ERBB4: variants seen among roughly 807,000 people sequenced by gnomAD.
ERBB4 encodes the protein receptor tyrosine-protein kinase erbB-4.
A neutral mutation model predicts 158.0 loss-of-function variants in ERBB4; 42 were observed. That is an observed-to-expected ratio of 0.27 (90% confidence interval 0.21 to 0.34). ERBB4 has a LOEUF of 0.34. Ranked by LOEUF, ERBB4 falls within the 10% of genes least tolerant of loss-of-function variation. The pLI is 1.00. For synonymous variants in ERBB4, 583 were observed against 558.7 expected (o/e 1.04, Z -0.61); for missense variants, 1,333 against 1,624.1 (o/e 0.82, Z 3.08).
intron 1 of ERBB4, among the ~76,000 whole-genome samples, chr2:212,455,644 T>A (rs931496249): frequency 6.6e-6 from 1 of 152,172 alleles, no homozygotes; most frequent in Non-Finnish European, 1.5e-5. Flanking sequence ...TGAATAAAAC[T>A]TACTCTTACT....
intron 3 of ERBB4, among the ~76,000 whole-genome samples, chr2:211,843,720 G>A (rs1288379228): frequency 7.0e-6 from 1 of 143,670 alleles, no homozygotes; most frequent in Non-Finnish European, 1.5e-5. Context: ...ATTTTAATGA[G>A]CTTTCATTGT....
At chr2:212,246,171 C>T (rs1487843000) in intron 1 of ERBB4, among the ~76,000 whole-genome samples, 7 of 152,144 alleles carry the variant, frequency 4.6e-5, no homozygotes, top group Non-Finnish European at 7.4e-5. Flanking sequence ...TGACAGTTCA[C>T]GTGTATCTCC....
At chr2:212,007,414 C>A (rs6734102) in intron 2 of ERBB4, among the ~76,000 whole-genome samples, 101,955 of 151,440 alleles carry the variant, frequency 0.67, 35,087 homozygotes, top group East Asian at 0.93. Context: ...ATATAATGCC[C>A]GTTATTATGG....
In ERBB4 at chr2:212,222,719, CT is replaced by C. The variant is rs1388697448; in HGVS notation, c.83-97817del. Among the ~76,000 whole-genome samples the C allele has an allele frequency of 2.0e-5, 3 of 151,354 alleles. No individual in the cohort carries two copies. The East Asian group carries it at 5.8e-4, about 29-fold the overall frequency. ...GCCTTGAACTAATTTGAATTTTCCT[CT>C]TTAATAAAACTGCAGTTTACCTTCA... On this transcript the variant is annotated intron_variant, in intron 1 of 27. Transcript: ENST00000342788.
At chr2:212,240,604 C>G (rs1033181328) in intron 1 of ERBB4, among the ~76,000 whole-genome samples, 1 of 121,752 alleles carries the variant, frequency 8.2e-6, no homozygotes, top group Non-Finnish European at 1.6e-5. Context: ...TGCCATTGCA[C>G]TCCAGTCTGG....
intron 3 of ERBB4, among the ~76,000 whole-genome samples, chr2:211,788,653 A>C (rs1486870068): frequency 1.3e-5 from 2 of 152,122 alleles, no homozygotes; most frequent in Non-Finnish European, 2.9e-5. Flanking sequence ...CTTTACAACA[A>C]ATTTCCACAC....
chr2:211,644,724 A>T (rs900700598), intron 16 of ERBB4, among the ~76,000 whole-genome samples: 4 of 152,004 alleles, frequency 2.6e-5, no homozygotes. Context: ...CCAGCAGAAG[A>T]TCTTTTAAAA....
chr2:212,430,122 C>T (rs1311378119), intron 1 of ERBB4, among the ~76,000 whole-genome samples: 2 of 152,120 alleles, frequency 1.3e-5, no homozygotes, highest in African/African-American at 4.8e-5. Context: ...ATGAAAGGAA[C>T]TAGATTCAGG....
intron 1 of ERBB4, among the ~76,000 whole-genome samples, chr2:212,237,501 T>G (rs1217712672): frequency 2.0e-5 from 3 of 152,130 alleles, no homozygotes; most frequent in Admixed American, 6.5e-5. Context: ...CACTCCTGTA[T>G]GAGGTGTCTG....
At chr2:211,539,729 T>C (rs1242678314) in intron 20 of ERBB4, among the ~76,000 whole-genome samples, 1 of 151,994 alleles carries the variant, frequency 6.6e-6, no homozygotes, top group African/African-American at 2.4e-5. Flanking sequence ...TCCTTTAACC[T>C]TTCCAGTGTG....
At chr2:212,443,993 C>G (rs968085805) in intron 1 of ERBB4, among the ~76,000 whole-genome samples, 2 of 152,122 alleles carry the variant, frequency 1.3e-5, no homozygotes, top group African/African-American at 4.8e-5. Context: ...AATCAGCATT[C>G]CATCACCAAA....
At chr2:212,250,887 ATAC>A (rs1379836610) in intron 1 of ERBB4, among the ~76,000 whole-genome samples, 6 of 151,996 alleles carry the variant, frequency 3.9e-5, no homozygotes, top group Admixed American at 2.6e-4. Context: ...TCAAAATTAA[ATAC>A]TACTAACACA....
In ERBB4 at chr2:211,377,532, T is replaced by C. The variant is rs868197620; in HGVS notation, c.*6083A>G. ...CATGGATTTTCATTAACATGAACTG[T>C]CCTCATTATGTATTTGTTAGATGGA... On this transcript the variant is annotated 3_prime_UTR_variant, in exon 28 of 28. Transcript: ENST00000342788. The C allele has an allele frequency of 4.3e-6, 1 of 232,716 alleles. No individual in the cohort carries two copies. The highest frequency in any genetic ancestry group is 1.3e-3 in the Middle Eastern group (1 of 784). 14.4% of individuals were successfully genotyped at this position (232,716 alleles called of 1,614,324 possible).
intron 1 of ERBB4, among the ~76,000 whole-genome samples, chr2:212,267,740 C>A (rs548101915): frequency 1.3e-5 from 2 of 151,052 alleles, no homozygotes; most frequent in African/African-American, 4.9e-5. Flanking sequence ...CTAATGCTAT[C>A]CCTCCCCCCT....
At chr2:212,276,130 A>G (rs938647536) in intron 1 of ERBB4, among the ~76,000 whole-genome samples, 1 of 151,820 alleles carries the variant, frequency 6.6e-6, no homozygotes, top group Non-Finnish European at 1.5e-5. Context: ...TTATTTCATC[A>G]CAAACAAAAG....
chr2:212,121,552 T>C (rs1457071018), intron 2 of ERBB4, among the ~76,000 whole-genome samples: 1 of 152,212 alleles, frequency 6.6e-6, no homozygotes, highest in Non-Finnish European at 1.5e-5. Context: ...TTACTCTTTT[T>C]AATCTCCATT....
At chr2:211,448,460 A>AG in intron 20 of ERBB4, among the ~76,000 whole-genome samples, 2 of 111,016 alleles carry the variant, frequency 1.8e-5, no homozygotes, top group Non-Finnish European at 3.7e-5. Context: ...ACATCTACCC[A>AG]AACAGATACA....
intron 2 of ERBB4, among the ~76,000 whole-genome samples, chr2:212,045,393 G>C (rs2077236021): frequency 1.3e-5 from 2 of 152,352 alleles, no homozygotes; most frequent in Admixed American, 1.3e-4. Context: ...GGGAGACAGA[G>C]GTTGCAGTGA....
intron 1 of ERBB4, among the ~76,000 whole-genome samples, chr2:212,170,978 C>T (rs758090407): frequency 1.5e-4 from 23 of 152,046 alleles, no homozygotes; most frequent in Non-Finnish European, 2.2e-4. Context: ...ATCCTCCAGG[C>T]CCAAGAATGA....
Sources: gnomAD v4.1 joint callset for allele counts (sites outside exome capture counted in the v4.1 genomes callset) on GRCh38, gnomAD v4.1.1 for gene constraint, MANE v1.5 for transcripts, NCBI Gene and HGNC (gene_info 2026-07-23, HGNC 2026-07-21) for gene names.